TAF2: variants seen among roughly 807,000 people sequenced by gnomAD.
The protein encoded by TAF2 is TATA-box binding protein associated factor 2.
A neutral mutation model predicts 138.5 loss-of-function variants in TAF2; 61 were observed. The ratio of observed to expected loss-of-function variants is 0.44; its 90% confidence interval spans 0.36 to 0.54. The LOEUF (loss-of-function observed/expected upper bound fraction) is 0.54, where lower values mean the gene tolerates loss of function less well. Among genes scored for constraint, TAF2 ranks in the 20% least tolerant of loss-of-function variants. The pLI, the probability that TAF2 is intolerant of heterozygous loss-of-function variation, is 0.00. For synonymous variants in TAF2, 475 were observed against 469.9 expected (o/e 1.01, Z -0.14); for missense variants, 1,090 against 1,427.9 (o/e 0.76, Z 3.81).
Position 119,760,685 on chromosome 8 carries a change from G to T in TAF2, c.2612C>A (p.Pro871Gln). ...TTCAGCATAAGATTTAAAAAGAGCT[G>T]GATCACTTGGCACATGTCCGTTCTT... ...LQKNGHVPSD[P>Q]ALFKSYAEYG... Residue 871 changes from proline to glutamine, a missense_variant, in exon 20 of 26, where the codon CCA (proline) becomes CAA (glutamine). Physicochemically the swap from Pro to Gln is moderately conservative, Grantham distance 76. Coordinates refer to ENST00000378164, the MANE Select transcript of TAF2 (RefSeq NM_003184.4). 6.2e-7 allele frequency: 1 copy of T among 1,613,962 alleles called. No individual in the cohort carries two copies. Among genetic ancestry groups the T allele is most frequent in the Non-Finnish European group, 8.5e-7 (1 of 1,179,936 alleles).
chr8:119,823,054 C>A (rs1409906826), intron 2 of TAF2, among the ~76,000 whole-genome samples: 1 of 152,124 alleles, frequency 6.6e-6, no homozygotes, highest in African/African-American at 2.4e-5. Flanking sequence ...TCAGAAATAT[C>A]ACTGTTTTTC....
chr8:119,826,595 C>CT (rs34714105), intron 2 of TAF2, among the ~76,000 whole-genome samples: 5,144 of 145,698 alleles, frequency 0.035, 168 homozygotes, highest in South Asian at 0.11. Context: ...CCATTTCCTC[C>CT]TTTTTTTTTT....
chr8:119,791,448 T>C lies in TAF2; in HGVS notation c.1289A>G (p.His430Arg), dbSNP rs1447023077. Reference protein sequence around the residue: ...GGKEKDNPASHLHFSIKHPHT... With the variant: ...GGKEKDNPASRLHFSIKHPHT... Reference sequence around the variant, plus strand: ...TGGATGCTTTATTGAAAAGTGTAGATGGGAAGCCGGACTAAAAAAAATAAA... The same window carrying C: ...TGGATGCTTTATTGAAAAGTGTAGACGGGAAGCCGGACTAAAAAAAATAAA... The change falls in exon 11 of 26, where the codon CAT becomes CGT. Residue 430 changes from histidine to arginine, a missense_variant. By Grantham distance (29) the His-to-Arg change is conservative (BLOSUM62 0). Around this residue, in one of 3 missense-constraint regions of TAF2, gnomAD observed 504 missense variants for 680.9 expected, o/e 0.74. Transcript: ENST00000378164. The C allele has an allele frequency of 3.1e-6, 5 of 1,613,412 alleles. No individual in the cohort carries two copies. The highest frequency in any genetic ancestry group is 4.5e-5 in the East Asian group (2 of 44,764).
intron 3 of TAF2, among the ~76,000 whole-genome samples, chr8:119,810,102 A>T (rs1029191087): frequency 2.6e-5 from 4 of 152,042 alleles, no homozygotes; most frequent in African/African-American, 9.7e-5. Flanking sequence ...TCATACAATT[A>T]AAAAAACCAC....
In TAF2 at chr8:119,832,606, G is replaced by A. The variant is rs11552092; in HGVS notation, c.-42C>T. The A allele has an allele frequency of 8.9e-6, 14 of 1,579,340 alleles. No homozygotes were observed. Among genetic ancestry groups the A allele is most frequent in the South Asian group, 5.5e-5 (5 of 90,386 alleles). On this transcript the variant is annotated 5_prime_UTR_variant, in exon 1 of 26. Transcript: ENST00000378164. The stretch of plus-strand genomic sequence containing the variant: ...GCTTGGCTTCCCGGCTTCCTAGGGG[G>A]ATACGGGGCATTACTAGTCTTTGGC...
intron 18 of TAF2, among the ~76,000 whole-genome samples, chr8:119,764,355 A>G (rs2326378): frequency 0.45 from 67,615 of 151,914 alleles, 15,522 homozygotes; most frequent in Admixed American, 0.54. Flanking sequence ...TGAATTTACA[A>G]CACCTAACTA....
intron 16 of TAF2, among the ~76,000 whole-genome samples, chr8:119,783,097 G>A (rs189778789): frequency 2.6e-5 from 4 of 152,100 alleles, no homozygotes; most frequent in East Asian, 3.9e-4. Flanking sequence ...TATATTCTTC[G>A]CTTTAAAAAT....
At chr8:119,823,778 T>C (rs972000646) in intron 2 of TAF2, among the ~76,000 whole-genome samples, 3 of 152,086 alleles carry the variant, frequency 2.0e-5, no homozygotes, top group African/African-American at 7.2e-5. Flanking sequence ...GACAGGAAAA[T>C]GCGGGAAAGT....
At chr8:119,799,214 G>C (rs1227097993) in intron 6 of TAF2, among the ~76,000 whole-genome samples, 1 of 151,970 alleles carries the variant, frequency 6.6e-6, no homozygotes, top group Non-Finnish European at 1.5e-5. Flanking sequence ...ACAATGTGCA[G>C]GTTAAATATG....
At chr8:119,785,709 T>A (rs986483297) in intron 14 of TAF2, among the ~76,000 whole-genome samples, 4 of 152,170 alleles carry the variant, frequency 2.6e-5, no homozygotes, top group African/African-American at 9.7e-5. Context: ...CTTAAGAGTA[T>A]TGATCAATAT....
At chr8:119,815,881 C>A (rs183967382) in intron 3 of TAF2, among the ~76,000 whole-genome samples, 1 of 152,216 alleles carries the variant, frequency 6.6e-6, no homozygotes, top group Non-Finnish European at 1.5e-5. Context: ...TGCTTATACA[C>A]GTTACATAAC....
At chr8:119,784,002 G>A (rs1194728588) in intron 15 of TAF2, among the ~76,000 whole-genome samples, 1 of 152,134 alleles carries the variant, frequency 6.6e-6, no homozygotes, top group Non-Finnish European at 1.5e-5. Context: ...TTCTTAATTT[G>A]TTTAGCTGAC....
intron 25 of TAF2, among the ~76,000 whole-genome samples, chr8:119,741,165 C>G (rs1376703744): frequency 1.3e-5 from 2 of 152,148 alleles, no homozygotes; most frequent in Non-Finnish European, 2.9e-5. Flanking sequence ...AAAAGGCACA[C>G]TGGTGGGCAC....
chr8:119,794,755 A>G (rs901199936), intron 9 of TAF2, among the ~76,000 whole-genome samples: 3 of 152,074 alleles, frequency 2.0e-5, no homozygotes, highest in African/African-American at 7.2e-5. Context: ...TAAAGAAGAG[A>G]CTCCAGTTCT....
intron 20 of TAF2, among the ~76,000 whole-genome samples, chr8:119,758,729 G>A (rs1240665032): frequency 6.6e-6 from 1 of 152,072 alleles, no homozygotes; most frequent in East Asian, 1.9e-4. Context: ...AATTTGAAAA[G>A]CTGTGTCTTC....
chr8:119,796,522 T>A (rs549208654), intron 8 of TAF2, among the ~76,000 whole-genome samples: 1 of 152,076 alleles, frequency 6.6e-6, no homozygotes, highest in Non-Finnish European at 1.5e-5. Context: ...TGCAGAGGAG[T>A]ACTATTTTAC....
chr8:119,806,192 G>C, intron 4 of TAF2, 91 bp downstream of exon 4: 1 of 1,089,284 alleles, frequency 9.2e-7, no homozygotes, highest in South Asian at 1.2e-5. Flanking sequence ...ATGAGGCACA[G>C]TGCCTGCATC....
At chr8:119,804,114 G>A in intron 4 of TAF2, 95 bp from the exon 5 acceptor site, 2 of 1,437,314 alleles carry the variant, frequency 1.4e-6, no homozygotes, top group South Asian at 2.3e-5. Flanking sequence ...AAATGGAATT[G>A]AGGACTGAGA....
chr8:119,829,769 A>G (rs774585356), intron 2 of TAF2, among the ~76,000 whole-genome samples: 19 of 152,202 alleles, frequency 1.2e-4, no homozygotes, highest in South Asian at 6.2e-4. Context: ...AAAGTGCATC[A>G]AACTCTTAGG....
Sources: gnomAD v4.1 joint callset for allele counts (sites outside exome capture counted in the v4.1 genomes callset) on GRCh38, gnomAD v4.1.1 for gene constraint, gnomAD v4.1.1 regional missense constraint, MANE v1.5 for transcripts, NCBI Gene and HGNC (gene_info 2026-07-23, HGNC 2026-07-21) for gene names.